Variants in C7 observed in about 807,000 individuals in gnomAD.
C7 encodes complement component C7.
In C7, 83 loss-of-function variants were observed where a neutral mutation model predicts 104.8. That is an observed-to-expected ratio of 0.79 (90% CI 0.66 to 0.95). C7 has a LOEUF of 0.95. Among genes scored for constraint, C7 ranks in the 40% least tolerant of loss-of-function variants. The pLI is 0.00. For synonymous variants in C7, 415 were observed against 360.6 expected (o/e 1.15, Z -1.71); for missense variants, 1,070 against 1,011.2 (o/e 1.06, Z -0.79).
At position 40,910,311 on chromosome 5, in the gene C7, A is replaced by G. The variant is rs114066302; in HGVS notation, c.6+695A>G. 1.7e-3 allele frequency among the ~76,000 whole-genome samples: 258 copies of G among 152,330 alleles called. 1 individual carries two copies. The highest frequency in any genetic ancestry group is 5.9e-3 in the African/African-American group (247 of 41,582). On this transcript the variant is annotated intron_variant, in intron 1 of 17. Coordinates refer to ENST00000313164, the MANE Select transcript of C7 (RefSeq NM_000587.4). ...AATGCAAAAATAAGTTGAGATTGCT[A>G]TTCAAATTTTATTATTGTAAATTTT...
chr5:40,913,701 A>T (rs1412280240), intron 1 of C7, among the ~76,000 whole-genome samples: 2 of 152,100 alleles, frequency 1.3e-5, no homozygotes, highest in South Asian at 2.1e-4. Flanking sequence ...ATATTTTAAG[A>T]TGGAGTCTTG....
chr5:40,916,398 C>T lies in C7; in HGVS notation c.6+6782C>T, dbSNP rs140310234. Among the ~76,000 whole-genome samples the T allele has an allele frequency of 2.0e-3, 309 of 152,302 alleles. 1 individual carries two copies. Among genetic ancestry groups the T allele is most frequent in the Non-Finnish European group, 3.6e-3 (243 of 68,016 alleles). On this transcript the variant is annotated intron_variant, in intron 1 of 17. Transcript: ENST00000313164. ...ATAAGATGAGAGTCACTGCCCCCTG[C>T]CTACTGCTGTGCTTCAACCTTGATT...
chr5:40,918,537 C>T lies in C7; in HGVS notation c.6+8921C>T, dbSNP rs113898118. ...AATAAAAAAACAAGAGCCAACTATA[C>T]GTTACCTGCAGGAAACTCACCTCAC... On this transcript the variant is annotated intron_variant, in intron 1 of 17. Transcript: ENST00000313164. 7.5e-3 allele frequency among the ~76,000 whole-genome samples: 1,136 copies of T among 152,134 alleles called. 18 individuals carry two copies. Among genetic ancestry groups the T allele is most frequent in the African/African-American group, 0.026 (1,087 of 41,484 alleles).
At chr5:40,928,791 A>G (rs1700921796) in intron 2 of C7, among the ~76,000 whole-genome samples, 156 bp downstream of exon 2, 1 of 152,162 alleles carries the variant, frequency 6.6e-6, no homozygotes, top group African/African-American at 2.4e-5. Context: ...TAACAAAAGC[A>G]TGTGTTTTTA....
intron 1 of C7, among the ~76,000 whole-genome samples, chr5:40,916,399 C>T (rs1739317837): frequency 6.6e-6 from 1 of 152,180 alleles, no homozygotes; most frequent in South Asian, 2.1e-4. Context: ...TGCCCCCTGC[C>T]TACTGCTGTG....
In C7 at chr5:40,955,384, T is replaced by C. The variant is rs758836574; in HGVS notation, c.1094-3T>C. 1 of 1,597,604 alleles carries C rather than the reference T, an allele frequency of 6.3e-7. No individual in the cohort carries two copies. Among genetic ancestry groups the C allele is most frequent in the Admixed American group, 1.8e-5 (1 of 56,178 alleles). ...CACTTTTCATTTGCTTTCTTCTGTA[T>C]AGGAACCCAGAACAATGTATTGCGA... On this transcript the variant is annotated splice_polypyrimidine_tract_variant and splice_region_variant and intron_variant, in intron 9 of 17. Coordinates refer to ENST00000313164, the MANE Select transcript of C7 (RefSeq NM_000587.4).
At chr5:40,980,725 T>G (rs975488058) in intron 17 of C7, among the ~76,000 whole-genome samples, 1 of 152,200 alleles carries the variant, frequency 6.6e-6, no homozygotes, top group Non-Finnish European at 1.5e-5. Flanking sequence ...CTCTCTGCCC[T>G]CCTGGCCTGT....
At position 40,909,537 on chromosome 5, in the gene C7, TG is replaced by T; in HGVS notation, c.-73del. The T allele has an allele frequency of 8.0e-7, 1 of 1,244,664 alleles. No individual in the cohort carries two copies. 77.1% of individuals were successfully genotyped at this position (1,244,664 alleles called of 1,614,324 possible). ...GGCAGGCAGCCTGCTGGGCTCTTCCTGCTGTTGAAAACTTACCCGGCCCTTA... is the reference window on the plus strand; with the variant it reads ...GGCAGGCAGCCTGCTGGGCTCTTCCTCTGTTGAAAACTTACCCGGCCCTTA... On this transcript the variant is annotated 5_prime_UTR_variant, in exon 1 of 18. Transcript: ENST00000313164.
At chr5:40,974,045 T>C (rs1279476738) in intron 15 of C7, among the ~76,000 whole-genome samples, 4 of 152,250 alleles carry the variant, frequency 2.6e-5, no homozygotes, top group Non-Finnish European at 5.9e-5. Flanking sequence ...TTTAGTCTTT[T>C]TTTTTATTAT....
chr5:40,912,029 T>C (rs1207822834), intron 1 of C7, among the ~76,000 whole-genome samples: 1 of 152,126 alleles, frequency 6.6e-6, no homozygotes, highest in African/African-American at 2.4e-5. Context: ...ATTACAGGCA[T>C]GAACCACCAC....
chr5:40,944,728 A>C (rs1740009910), intron 6 of C7, among the ~76,000 whole-genome samples: 1 of 152,244 alleles, frequency 6.6e-6, no homozygotes, highest in Admixed American at 6.5e-5. Context: ...ATCCAAGTGA[A>C]ACAGAATTAG....
intron 13 of C7, among the ~76,000 whole-genome samples, chr5:40,964,020 CTTTTTTTT>C (rs869250524): frequency 1.5e-4 from 6 of 39,886 alleles, no homozygotes; most frequent in South Asian, 3.2e-3. Flanking sequence ...GCTCATAATA[CTTTTTTTT>C]TTTTTTTTTT....
At chr5:40,938,667 T>C (rs1214146684) in intron 6 of C7, among the ~76,000 whole-genome samples, 1 of 152,180 alleles carries the variant, frequency 6.6e-6, no homozygotes, top group Non-Finnish European at 1.5e-5. Context: ...CTTGCCAACG[T>C]TGGTATTGCT....
At chr5:40,952,449 A>G (rs1740190698) in intron 9 of C7, among the ~76,000 whole-genome samples, 1 of 150,580 alleles carries the variant, frequency 6.6e-6, no homozygotes, top group South Asian at 2.1e-4. Flanking sequence ...GCCTTAAAAA[A>G]ACATCATGAT....
intron 9 of C7, among the ~76,000 whole-genome samples, chr5:40,952,532 A>G (rs1740193586): frequency 7.2e-6 from 1 of 138,672 alleles, no homozygotes; most frequent in African/African-American, 2.6e-5. Flanking sequence ...TCTAGGGTAC[A>G]TGTGCACAAC....
In C7 at chr5:40,964,500, T is replaced by C. The variant is rs1339644641; in HGVS notation, c.1750-241T>C. ...TTTAGTAGAATGCTTAGTATAGTCC[T>C]TGGTATTTTGGGAGCAATCAATACA... On this transcript the variant is annotated intron_variant, in intron 13 of 17. Transcript: ENST00000313164. 1.7e-5 allele frequency: 6 copies of C among 352,732 alleles called. No individual in the cohort carries two copies. In the South Asian group the frequency reaches 2.2e-4, roughly 13 times the overall value. 21.9% of individuals were successfully genotyped at this position (352,732 alleles called of 1,614,324 possible). A position where few individuals can be genotyped will look rare whatever the true frequency, so the allele number is the denominator to read the frequency against.
rs370190257 is a variant in C7 at position 40,955,537 on chromosome 5, A to G, written c.1244A>G (p.Gln415Arg). ...AWAESVTNLPQVIKQKLTPLY... is the reference protein window; with the variant it reads ...AWAESVTNLPRVIKQKLTPLY... ...GCAGAATCTGTGACTAATCTTCCTCAAGTCATAAAACAAAAGGTATGTCAG... is the reference window on the plus strand; with the variant it reads ...GCAGAATCTGTGACTAATCTTCCTCGAGTCATAAAACAAAAGGTATGTCAG... The change falls in exon 10 of 18, where the codon CAA (glutamine) becomes CGA (arginine). Residue 415 changes from glutamine to arginine, a missense_variant. By Grantham distance (43) the Gln-to-Arg change is conservative. Transcript: ENST00000313164. The G allele has an allele frequency of 5.0e-5, 81 of 1,612,256 alleles. No individual in the cohort carries two copies. Among genetic ancestry groups the G allele is most frequent in the Non-Finnish European group, 6.4e-5 (76 of 1,179,194 alleles).
intron 6 of C7, 115 bp downstream of exon 6, chr5:40,937,805 T>A (rs1739849058): frequency 5.8e-6 from 5 of 863,338 alleles, no homozygotes; most frequent in Non-Finnish European, 8.6e-6. Context: ...GTGGTCAATT[T>A]TTATAAATGT....
intron 12 of C7, among the ~76,000 whole-genome samples, chr5:40,960,250 C>G (rs940322987): frequency 4.6e-5 from 7 of 152,128 alleles, no homozygotes; most frequent in African/African-American, 1.7e-4. Flanking sequence ...CCACACCCTA[C>G]TGTTTTACAT....
Sources: allele counts gnomAD v4.1 joint callset (sites outside exome capture counted in the v4.1 genomes callset), GRCh38; gene constraint gnomAD v4.1.1; transcripts MANE v1.5; gene names NCBI Gene and HGNC (gene_info 2026-07-23, HGNC 2026-07-21).